Variants in ASAP1 observed in about 807,000 individuals in gnomAD.
ASAP1 encodes the protein ArfGAP with SH3 domain, ankyrin repeat and PH domain 1.
A neutral mutation model predicts 145.2 loss-of-function variants in ASAP1; 43 were observed. The observed-to-expected ratio is 0.30, with a 90% confidence interval of 0.23 to 0.38. ASAP1 has a LOEUF of 0.38. Among genes scored for constraint, ASAP1 ranks in the 10% least tolerant of loss-of-function variants. The pLI is 1.00. For synonymous variants in ASAP1, 546 were observed against 515.5 expected (o/e 1.06, Z -0.80); for missense variants, 1,018 against 1,355.3 (o/e 0.75, Z 3.91).
intron 13 of ASAP1, 57 bp from the exon 14 acceptor site, chr8:130,137,095 G>T: frequency 2.8e-6 from 4 of 1,435,148 alleles, no homozygotes; most frequent in Non-Finnish European, 3.9e-6. Context: ...TTGTCTGCAG[G>T]TTCAGTGCCC....
At chr8:130,138,537 C>A (rs2097600829) in intron 13 of ASAP1, among the ~76,000 whole-genome samples, 1 of 152,074 alleles carries the variant, frequency 6.6e-6, no homozygotes, top group South Asian at 2.1e-4. Flanking sequence ...GCAAGTTTTT[C>A]TGAGAAAACA....
intron 2 of ASAP1, among the ~76,000 whole-genome samples, chr8:130,387,454 T>G (rs1305833248): frequency 6.6e-6 from 1 of 151,624 alleles, no homozygotes; most frequent in African/African-American, 2.4e-5. Flanking sequence ...GAGAATCACT[T>G]GGACCCAGGA....
chr8:130,299,605 T>A (rs752707420), intron 3 of ASAP1, among the ~76,000 whole-genome samples: 1 of 152,166 alleles, frequency 6.6e-6, no homozygotes, highest in Non-Finnish European at 1.5e-5. Flanking sequence ...TCATTCTCCA[T>A]AAATTGTGAC....
intron 3 of ASAP1, among the ~76,000 whole-genome samples, chr8:130,311,894 CAA>C (rs61648269): frequency 6.7e-6 from 1 of 149,222 alleles, no homozygotes; most frequent in Admixed American, 6.7e-5. Context: ...AAAAACAACT[CAA>C]AAAAAAATAG....
chr8:130,254,287 G>GA (rs1478629522), intron 3 of ASAP1, among the ~76,000 whole-genome samples: 1 of 152,102 alleles, frequency 6.6e-6, no homozygotes, highest in Non-Finnish European at 1.5e-5. Context: ...ATAAATTCAG[G>GA]AAAGAGCATT....
At chr8:130,339,229 G>A (rs1825224979) in intron 3 of ASAP1, among the ~76,000 whole-genome samples, 1 of 152,162 alleles carries the variant, frequency 6.6e-6, no homozygotes, top group Admixed American at 6.5e-5. Flanking sequence ...TTTCAAGCAA[G>A]GTGACTTATC....
chr8:130,057,538 T>G (rs2097406871), intron 29 of ASAP1, among the ~76,000 whole-genome samples: 1 of 152,104 alleles, frequency 6.6e-6, no homozygotes, highest in South Asian at 2.1e-4. Context: ...AACCTGTGCC[T>G]CCCGGGTTCA....
chr8:130,357,293 C>T (rs754989089), intron 3 of ASAP1, among the ~76,000 whole-genome samples: 1 of 152,088 alleles, frequency 6.6e-6, no homozygotes, highest in Non-Finnish European at 1.5e-5. Context: ...CGTGTCTGGT[C>T]AGCTCAAGCA....
Position 130,060,785 on chromosome 8 carries a change from C to T in ASAP1, c.2986G>A (p.Gly996Arg). 2 of 1,613,996 alleles carry T rather than the reference C, an allele frequency of 1.2e-6. No homozygotes were observed. The highest frequency in any genetic ancestry group is 1.7e-6 in the Non-Finnish European group (2 of 1,180,008). ...GTCTGGGATTTTGCTAGCAGGTCTC[C>T]CAGCTGTGGTTTGGGGGGCAGGTCC... is the stretch of plus-strand genomic sequence containing the variant. ...MKDLPPKPQL[G>R]DLLAKSQTGD... Residue 996 changes from glycine (G) to arginine (R), a missense_variant, in exon 28 of 30, where the codon GGA becomes AGA. Gly to Arg is a moderately radical substitution (Grantham distance 125). Around this residue, in one of 9 missense-constraint regions of ASAP1, gnomAD observed 139 missense variants for 131.0 expected, o/e 1.06. Transcript: ENST00000518721.
chr8:130,167,227 G>A (rs1326566891), intron 11 of ASAP1, among the ~76,000 whole-genome samples: 1 of 151,910 alleles, frequency 6.6e-6, no homozygotes, highest in Non-Finnish European at 1.5e-5. Flanking sequence ...TTGAGGTCAA[G>A]GCTGCGATGA....
intron 25 of ASAP1, among the ~76,000 whole-genome samples, chr8:130,088,044 C>T (rs1000311652): frequency 6.6e-6 from 1 of 152,218 alleles, no homozygotes; most frequent in South Asian, 2.1e-4. Flanking sequence ...CCAAAGTTAT[C>T]GAGTCCTGAT....
intron 3 of ASAP1, among the ~76,000 whole-genome samples, chr8:130,335,293 G>A (rs1050473935): frequency 1.3e-5 from 2 of 152,152 alleles, no homozygotes; most frequent in Non-Finnish European, 2.9e-5. Flanking sequence ...CATTTAAATA[G>A]ATTGCTTCAT....
intron 24 of ASAP1, among the ~76,000 whole-genome samples, chr8:130,107,515 A>AATGTATGT (rs71302393): frequency 0.018 from 1,874 of 101,712 alleles, 25 homozygotes; most frequent in Admixed American, 0.043. Context: ...TTTTTTAAAA[A>AATGTATGT]ATGTATGTAT....
chr8:130,373,729 T>C (rs1827337768), intron 2 of ASAP1, among the ~76,000 whole-genome samples: 1 of 151,218 alleles, frequency 6.6e-6, no homozygotes, highest in African/African-American at 2.4e-5. Context: ...GCACCTGTAA[T>C]CCAGCTACTT....
Position 130,236,907 on chromosome 8 carries a change from T to C in ASAP1, c.259+15A>G, listed in dbSNP as rs1565121553. On this transcript the variant is annotated intron_variant, in intron 4 of 29. Coordinates refer to ENST00000518721, the MANE Select transcript of ASAP1 (RefSeq NM_018482.4). ...ATTTATAATTCATGTTACCTCATTT[T>C]TAGTAAGTGCTTACCTTGACCAGAA... 1 of 1,518,716 alleles carries C rather than the reference T, an allele frequency of 6.6e-7. No individual in the cohort carries two copies. The allele number at this position is 1,518,716 out of a possible 1,614,324, so 94.1% of individuals were successfully genotyped here.
In ASAP1 at chr8:130,413,222, G is replaced by A. The variant is rs143025221; in HGVS notation, c.-27-11252C>T. On this transcript the variant is annotated intron_variant, in intron 1 of 29. Coordinates refer to ENST00000518721, the MANE Select transcript of ASAP1 (RefSeq NM_018482.4). ...TCAGAGCAGGGCCAGCCTCAGGAGA[G>A]GTCTCTGCTGCATGTATTTCCCTTC... 1.8e-3 allele frequency among the ~76,000 whole-genome samples: 270 copies of A among 152,234 alleles called. 3 individuals carry two copies. Among genetic ancestry groups the A allele is most frequent in the African/African-American group, 6.1e-3 (255 of 41,542 alleles).
intron 2 of ASAP1, 63 bp downstream of exon 2, chr8:130,401,822 G>A: frequency 6.6e-7 from 1 of 1,513,740 alleles, no homozygotes; most frequent in Non-Finnish European, 9.1e-7. Context: ...CAACTCCCAA[G>A]AAGAATCCCG....
chr8:130,203,070 G>A (rs1447353025), intron 5 of ASAP1, among the ~76,000 whole-genome samples: 1 of 151,800 alleles, frequency 6.6e-6, no homozygotes, highest in East Asian at 1.9e-4. Flanking sequence ...ATTGTTGGAG[G>A]GCAGAAGTGA....
intron 1 of ASAP1, among the ~76,000 whole-genome samples, chr8:130,411,368 G>A (rs1829257650): frequency 6.6e-6 from 1 of 152,228 alleles, no homozygotes; most frequent in African/African-American, 2.4e-5. Context: ...CTTCAGACAA[G>A]GATGAGTGGA....
Sources: allele counts gnomAD v4.1 joint callset (sites outside exome capture counted in the v4.1 genomes callset), GRCh38; gene constraint gnomAD v4.1.1; regional missense constraint gnomAD v4.1.1; transcripts MANE v1.5; gene names NCBI Gene and HGNC (gene_info 2026-07-23, HGNC 2026-07-21).